Variants in ABLIM2 observed in about 807,000 individuals in gnomAD.
ABLIM2 encodes the protein actin-binding LIM protein 2.
A neutral mutation model predicts 97.7 loss-of-function variants in ABLIM2; 53 were observed. The ratio of observed to expected loss-of-function variants is 0.54; its 90% confidence interval spans 0.44 to 0.68. ABLIM2 has a LOEUF of 0.68. ABLIM2 is among the 30% of genes least tolerant of loss of function. The pLI is 0.00. For missense variants in ABLIM2, 835 were observed against 867.2 expected (o/e 0.96, Z 0.47); for synonymous variants, 361 against 345.8 (o/e 1.04, Z -0.49).
chr4:8,134,594 A>C (rs1849921380), intron 1 of ABLIM2, among the ~76,000 whole-genome samples: 1 of 152,238 alleles, frequency 6.6e-6, no homozygotes, highest in African/African-American at 2.4e-5. Flanking sequence ...AAAATAAGCA[A>C]AGAAAGGGAC....
chr4:8,021,291 G>A lies in ABLIM2; in HGVS notation c.1268-988C>T, dbSNP rs1165458409. Among the ~76,000 whole-genome samples the A allele has an allele frequency of 6.6e-6, 1 of 152,182 alleles. No homozygotes were observed. Among genetic ancestry groups the A allele is most frequent in the African/African-American group, 2.4e-5 (1 of 41,440 alleles). On this transcript the variant is annotated intron_variant, in intron 12 of 20. Transcript: ENST00000447017. The surrounding 1 kb of genome is among the most constrained non-coding windows in gnomAD (Gnocchi z 5.5). The stretch of plus-strand genomic sequence containing the variant: ...TGGATTATCAAGTCACGCATCCAGA[G>A]GGCCGAGGTGACCTGGGTGACGCCC...
intron 1 of ABLIM2, among the ~76,000 whole-genome samples, chr4:8,109,426 G>A (rs1408308896): frequency 1.3e-5 from 2 of 152,240 alleles, no homozygotes; most frequent in Admixed American, 6.5e-5. Flanking sequence ...CGCTGATTGA[G>A]CTCTGAGCCT....
At chr4:8,126,509 A>G (rs185400531) in intron 1 of ABLIM2, among the ~76,000 whole-genome samples, 1 of 138,164 alleles carries the variant, frequency 7.2e-6, no homozygotes, top group African/African-American at 2.7e-5. Context: ...TTTTGCCATC[A>G]CCTTCACCCC....
chr4:8,109,708 G>A (rs1445845136), intron 1 of ABLIM2, among the ~76,000 whole-genome samples: 2 of 152,220 alleles, frequency 1.3e-5, no homozygotes, highest in Admixed American at 6.5e-5. Context: ...GGTATCAGCT[G>A]TCTGGGGATG....
rs570458018 is a variant in ABLIM2, at chr4:8,108,898, G to A, written c.11-2261C>T. ...TCTTGGTCTGGGTTCCCATGAAGCC[G>A]GCCTTGAGACCAGGCTGTGGGTGCG... On this transcript the variant is annotated intron_variant, in intron 1 of 20. Coordinates refer to ENST00000447017, the MANE Select transcript of ABLIM2 (RefSeq NM_001130083.2). Among the ~76,000 whole-genome samples the A allele has an allele frequency of 1.1e-4, 17 of 152,370 alleles. No homozygotes were observed. In the East Asian group the frequency reaches 2.3e-3, roughly 21 times the overall value.
At position 8,001,879 on chromosome 4, in the gene ABLIM2, C is replaced by T. The variant is rs773055070; in HGVS notation, c.1618+6180G>A. ...TTCCTCTGTGGAATCTCCTGCCCCC[C>T]GATGGCACCTTCCCACCTGCCCGCT... On this transcript the variant is annotated intron_variant, in intron 16 of 20. Coordinates refer to ENST00000447017, the MANE Select transcript of ABLIM2 (RefSeq NM_001130083.2). This position sits in a 1 kb window ranked among gnomAD's most constrained non-coding sequence, Gnocchi z 4.2. Among the ~76,000 whole-genome samples the T allele has an allele frequency of 2.0e-5, 3 of 152,212 alleles. No individual in the cohort carries two copies. The highest frequency in any genetic ancestry group is 1.3e-4 in the Admixed American group (2 of 15,288).
In ABLIM2 at chr4:8,032,579, G is replaced by C. The variant is rs907542115; in HGVS notation, c.1048-2803C>G. 1 of 1,592,770 alleles carries C rather than the reference G, an allele frequency of 6.3e-7. No individual in the cohort carries two copies. Among genetic ancestry groups the C allele is most frequent in the South Asian group, 1.1e-5 (1 of 90,480 alleles). Reference sequence around the variant, plus strand: ...GAGGCCCTTCCCGGGAGTGCGGCTGGGTGGTTATGTTTATAACCCAGGCAG... The same window carrying C: ...GAGGCCCTTCCCGGGAGTGCGGCTGCGTGGTTATGTTTATAACCCAGGCAG... On this transcript the variant is annotated intron_variant, in intron 10 of 20. Transcript: ENST00000447017. This position sits in a 1 kb window ranked among gnomAD's most constrained non-coding sequence, Gnocchi z 4.3.
In ABLIM2 at chr4:8,043,901, G is replaced by A. The variant is rs1162855127; in HGVS notation, c.900+1263C>T. Among the ~76,000 whole-genome samples the A allele has an allele frequency of 6.6e-6, 1 of 151,726 alleles. No homozygotes were observed. Among genetic ancestry groups the A allele is most frequent in the African/African-American group, 2.4e-5 (1 of 41,314 alleles). On this transcript the variant is annotated intron_variant, in intron 9 of 20. Coordinates refer to ENST00000447017, the MANE Select transcript of ABLIM2 (RefSeq NM_001130083.2). This position sits in a 1 kb window ranked among gnomAD's most constrained non-coding sequence, Gnocchi z 4.8. ...ACTGAGGGGCTCCCAGAGGCTCCAG[G>A]CGGGCGGCACCTCGCCCAGGGCATG...
At chr4:8,151,362 G>A (rs1229925284) in intron 1 of ABLIM2, among the ~76,000 whole-genome samples, 4 of 152,146 alleles carry the variant, frequency 2.6e-5, no homozygotes, top group Non-Finnish European at 4.4e-5. Context: ...ACCAGTGAGC[G>A]TCCCAGAATC....
chr4:8,155,167 C>T lies in ABLIM2; in HGVS notation c.10+3513G>A, dbSNP rs1357839012. Among the ~76,000 whole-genome samples the T allele has an allele frequency of 1.3e-5, 2 of 152,202 alleles. No homozygotes were observed. The highest frequency in any genetic ancestry group is 6.5e-5 in the Admixed American group (1 of 15,282). Reference sequence around the variant, plus strand: ...CATTTTGTGCATCTTTGCTGAATAACGAGTGAGTGAGATGGAACAGATGGC... The same window carrying T: ...CATTTTGTGCATCTTTGCTGAATAATGAGTGAGTGAGATGGAACAGATGGC... On this transcript the variant is annotated intron_variant, in intron 1 of 20. Transcript: ENST00000447017. The surrounding 1 kb of genome is among the most constrained non-coding windows in gnomAD (Gnocchi z 4.2).
chr4:7,975,548 C>G lies in ABLIM2; in HGVS notation c.1824+7716G>C, dbSNP rs371373953. On this transcript the variant is annotated intron_variant, in intron 20 of 20. Coordinates refer to ENST00000447017, the MANE Select transcript of ABLIM2 (RefSeq NM_001130083.2). Reference sequence around the variant, plus strand: ...CCATGCCCCATCAGTGAGTGTTAATCACATCTGCCCACATGCTGCTCCACT... The same window carrying G: ...CCATGCCCCATCAGTGAGTGTTAATGACATCTGCCCACATGCTGCTCCACT... Among the ~76,000 whole-genome samples, 10 of 152,320 alleles carry G rather than the reference C, an allele frequency of 6.6e-5. No individual in the cohort carries two copies. The South Asian group carries it at 1.9e-3, about 28-fold the overall frequency.
At chr4:7,985,879 T>G (rs868433532) in intron 17 of ABLIM2, among the ~76,000 whole-genome samples, 13 of 152,180 alleles carry the variant, frequency 8.5e-5, no homozygotes, top group Admixed American at 3.3e-4. Context: ...CCTGCAAACC[T>G]CTATGGAGGG....
intron 6 of ABLIM2, among the ~76,000 whole-genome samples, chr4:8,073,826 G>A (rs1165207919): frequency 2.6e-5 from 4 of 151,974 alleles, no homozygotes; most frequent in African/African-American, 7.3e-5. Context: ...GGTGGCTCAC[G>A]CCTGTAACCC....
intron 1 of ABLIM2, among the ~76,000 whole-genome samples, chr4:8,136,855 A>G (rs1850261970): frequency 6.6e-6 from 1 of 152,210 alleles, no homozygotes; most frequent in African/African-American, 2.4e-5. Context: ...CAGGAAACCA[A>G]GTCCTGTCAC....
At chr4:8,038,247 C>T (rs1785821733) in intron 9 of ABLIM2, among the ~76,000 whole-genome samples, 1 of 152,186 alleles carries the variant, frequency 6.6e-6, no homozygotes, top group African/African-American at 2.4e-5. Flanking sequence ...GTAACTTGCC[C>T]AGACTCACAG....
chr4:8,046,704 C>A lies in ABLIM2; in HGVS notation c.823-1463G>T, dbSNP rs1379053859. ...CAGTGGATGGGCTGATCTGTGTCCA[C>A]ATTCGTAGGTTGAATCCTAACCCCC... On this transcript the variant is annotated intron_variant, in intron 8 of 20. Transcript: ENST00000447017. This position sits in a 1 kb window ranked among gnomAD's most constrained non-coding sequence, Gnocchi z 4.4. Among the ~76,000 whole-genome samples, 1 of 152,236 alleles carries A rather than the reference C, an allele frequency of 6.6e-6. No individual in the cohort carries two copies. Among genetic ancestry groups the A allele is most frequent in the Admixed American group, 6.5e-5 (1 of 15,284 alleles).
intron 16 of ABLIM2, among the ~76,000 whole-genome samples, chr4:7,993,386 T>C (rs892596469): frequency 1.5e-4 from 23 of 152,226 alleles, no homozygotes; most frequent in African/African-American, 5.5e-4. Flanking sequence ...GGCAATCTTA[T>C]TTTAATAAAC....
rs1413416531 is a variant in ABLIM2 at position 8,019,218 on chromosome 4, T to C, written c.1423+400A>G. Among the ~76,000 whole-genome samples the C allele has an allele frequency of 6.6e-6, 1 of 152,274 alleles. No individual in the cohort carries two copies. Among genetic ancestry groups the C allele is most frequent in the African/African-American group, 2.4e-5 (1 of 41,554 alleles). On this transcript the variant is annotated intron_variant, in intron 14 of 20. Coordinates refer to ENST00000447017, the MANE Select transcript of ABLIM2 (RefSeq NM_001130083.2). This position sits in a 1 kb window ranked among gnomAD's most constrained non-coding sequence, Gnocchi z 4.3. The stretch of plus-strand genomic sequence containing the variant: ...CTGAGGAATAAACGACCGATTCAAG[T>C]TTGTTCTATATTCCAAAGATCGGGC...
Position 8,127,611 on chromosome 4 carries a change from T to C in ABLIM2, c.11-20974A>G, listed in dbSNP as rs1203318710. ...TGCAAAGGGCCAGCGGGTCGGCGGC[T>C]CTCCCTCTGCGTGGCTGGGCCTGGC... On this transcript the variant is annotated intron_variant, in intron 1 of 20. Coordinates refer to ENST00000447017, the MANE Select transcript of ABLIM2 (RefSeq NM_001130083.2). The surrounding 1 kb of genome is among the most constrained non-coding windows in gnomAD (Gnocchi z 7.3). The C allele has an allele frequency of 7.8e-7, 1 of 1,289,368 alleles. No individual in the cohort carries two copies. The highest frequency in any genetic ancestry group is 1.0e-6 in the Non-Finnish European group (1 of 988,644). 79.9% of individuals were successfully genotyped at this position (1,289,368 alleles called of 1,614,324 possible).
Sources: gnomAD v4.1 joint callset for allele counts (sites outside exome capture counted in the v4.1 genomes callset) on GRCh38, gnomAD v4.1.1 for gene constraint, Gnocchi (gnomAD v3.1) non-coding constraint, MANE v1.5 for transcripts, NCBI Gene and HGNC (gene_info 2026-07-23, HGNC 2026-07-21) for gene names.